Variants in HAVCR2 observed in about 807,000 individuals in gnomAD.
The protein encoded by HAVCR2 is T cell immunoglobulin mucin 3.
A neutral mutation model predicts 24.7 loss-of-function variants in HAVCR2; 13 were observed. The ratio of observed to expected loss-of-function variants is 0.53; its 90% CI spans 0.34 to 0.84. The LOEUF (loss-of-function observed/expected upper bound fraction) is 0.84, where lower values mean the gene tolerates loss of function less well. Among genes scored for constraint, HAVCR2 ranks in the 40% least tolerant of loss-of-function variants. HAVCR2 has a pLI of 0.01. For missense variants in HAVCR2, 343 were observed against 371.2 expected (o/e 0.92, Z 0.62); for synonymous variants, 154 against 143.4 (o/e 1.07, Z -0.53).
intron 4 of HAVCR2, among the ~76,000 whole-genome samples, chr5:157,096,927 A>AACACACAC (rs34799337): frequency 7.7e-5 from 11 of 142,952 alleles, no homozygotes; most frequent in South Asian, 2.3e-4. Flanking sequence ...ATTTATACAA[A>AACACACAC]ACACACACAC....
chr5:157,098,333 G>A (rs1757122906), intron 4 of HAVCR2, among the ~76,000 whole-genome samples: 1 of 151,998 alleles, frequency 6.6e-6, no homozygotes, highest in South Asian at 2.1e-4. Context: ...CTTGAACCCG[G>A]GAGGCGGAGG....
At chr5:157,089,012 A>G in intron 5 of HAVCR2, 35 bp from the exon 6 acceptor site, 2 of 1,570,762 alleles carry the variant, frequency 1.3e-6, no homozygotes, top group Non-Finnish European at 1.7e-6. Context: ...ATAAAAATGC[A>G]TTCATAAAAT....
intron 5 of HAVCR2, among the ~76,000 whole-genome samples, chr5:157,094,271 C>G (rs1006939254): frequency 1.3e-5 from 2 of 151,960 alleles, no homozygotes; most frequent in African/African-American, 2.4e-5. Context: ...TCTCAAACTC[C>G]TGGGCTCAAC....
intron 4 of HAVCR2, among the ~76,000 whole-genome samples, chr5:157,096,959 CACACAT>C (rs1284591728): frequency 0.011 from 1,549 of 145,074 alleles, 15 homozygotes; most frequent in African/African-American, 0.024. Context: ...CACACACACA[CACACAT>C]ATAATTATAA....
intron 5 of HAVCR2, among the ~76,000 whole-genome samples, chr5:157,094,638 C>T (rs888917641): frequency 2.0e-5 from 3 of 151,876 alleles, no homozygotes; most frequent in African/African-American, 2.4e-5. Context: ...CCCCCTCAGC[C>T]TCCCAAAGTG....
chr5:157,108,675 A>G (rs942837115), intron 1 of HAVCR2, among the ~76,000 whole-genome samples: 1 of 152,176 alleles, frequency 6.6e-6, no homozygotes, highest in Non-Finnish European at 1.5e-5. Context: ...TAATATATGC[A>G]TTATTCTGCA....
At chr5:157,091,038 C>T (rs1470629159) in intron 5 of HAVCR2, among the ~76,000 whole-genome samples, 2 of 152,092 alleles carry the variant, frequency 1.3e-5, no homozygotes, top group Non-Finnish European at 2.9e-5. Context: ...AAGGATCAGG[C>T]AGAAGAAGAT....
chr5:157,092,878 C>CAAAAAAAAAAAAAAAAAA lies in HAVCR2; in HGVS notation c.676+2410_676+2427dup, dbSNP rs556443053. On this transcript the variant is annotated intron_variant, in intron 5 of 6. Transcript: ENST00000307851. ...CAACATGGCAAAACCCTGTCTCTAC[C>CAAAAAAAAAAAAAAAAAA]AAAAAAAAAAAAAAAAAAAAAAAAA... is the stretch of plus-strand genomic sequence containing the variant. Among the ~76,000 whole-genome samples, 38 of 44,036 alleles carry CAAAAAAAAAAAAAAAAAA rather than the reference C, an allele frequency of 8.6e-4. 5 individuals carry two copies. The highest frequency in any genetic ancestry group is 1.1e-3 in the Non-Finnish European group (23 of 21,714). 28.9% of individuals were successfully genotyped at this position (44,036 alleles called of 152,430 possible).
rs371263443 is a variant in HAVCR2, at chr5:157,106,708, T to C, written c.313A>G (p.Ser105Gly). The C allele has an allele frequency of 1.5e-5, 24 of 1,614,100 alleles. No homozygotes were observed. The highest frequency in any genetic ancestry group is 1.2e-4 in the Admixed American group (7 of 60,012). ...TGGATCCGGCAGCAGTAGATCCCAC[T>C]GTCTGCTAGAGTCACATTCTCTATG... ...LTIENVTLAD[S>G]GIYCCRIQIP... The change falls in exon 2 of 7, where the codon AGT becomes GGT. Residue 105 changes from serine (S) to glycine (G), a missense_variant. Coordinates refer to ENST00000307851, the MANE Select transcript of HAVCR2 (RefSeq NM_032782.5).
At chr5:157,093,955 G>A (rs1010164491) in intron 5 of HAVCR2, among the ~76,000 whole-genome samples, 2 of 152,006 alleles carry the variant, frequency 1.3e-5, no homozygotes, top group Admixed American at 6.6e-5. Flanking sequence ...CGAGGTTTTG[G>A]GGGTACTGGA....
Position 157,086,299 on chromosome 5 carries a change from A to G in HAVCR2, c.*803T>C, listed in dbSNP as rs547449945. 1.3e-5 allele frequency: 2 copies of G among 152,356 alleles called. No individual in the cohort carries two copies. Among genetic ancestry groups the G allele is most frequent in the East Asian group, 1.9e-4 (1 of 5,186 alleles). 9.4% of individuals were successfully genotyped at this position (152,356 alleles called of 1,614,324 possible). ...TGCTCAAATAAGCCTAAATCTCAAC[A>G]TTCCAAGGGAATCTTCAAGATCAAG... On this transcript the variant is annotated 3_prime_UTR_variant, in exon 7 of 7. Coordinates refer to ENST00000307851, the MANE Select transcript of HAVCR2 (RefSeq NM_032782.5).
At chr5:157,091,274 C>T (rs557536854) in intron 5 of HAVCR2, among the ~76,000 whole-genome samples, 4 of 152,054 alleles carry the variant, frequency 2.6e-5, no homozygotes, top group Non-Finnish European at 5.9e-5. Context: ...GTGAAACCCC[C>T]GTCTCTACTA....
At chr5:157,088,821 G>A in intron 6 of HAVCR2, 120 bp downstream of exon 6, 1 of 828,914 alleles carries the variant, frequency 1.2e-6, no homozygotes. Context: ...GAGAAAGAAG[G>A]AAGTATAAAC....
Position 157,087,218 on chromosome 5 carries a change from T to G in HAVCR2, c.790A>C (p.Ile264Leu). The G allele has an allele frequency of 1.2e-6, 2 of 1,613,996 alleles. No homozygotes were observed. The highest frequency in any genetic ancestry group is 1.7e-6 in the Non-Finnish European group (2 of 1,180,008). Reference sequence around the variant, plus strand: ...TATACGTTCTCTTCAATGGTATAGATGTTTTCTTCTGAGCGAATTCCCTCT... The same window carrying G: ...TATACGTTCTCTTCAATGGTATAGAGGTTTTCTTCTGAGCGAATTCCCTCT... ...VAEGIRSEEN[I>L]YTIEENVYEV... is the part of the protein sequence containing the mutation. Residue 264 changes from isoleucine (I) to leucine (L), a missense_variant, in exon 7 of 7, where the codon ATC (isoleucine) becomes CTC (leucine). Coordinates refer to ENST00000307851, the MANE Select transcript of HAVCR2 (RefSeq NM_032782.5).
rs1159956790 is a variant in HAVCR2 at position 157,095,469 on chromosome 5, C to T, written c.523-10G>A. 1.2e-6 allele frequency: 2 copies of T among 1,613,620 alleles called. No homozygotes were observed. The highest frequency in any genetic ancestry group is 1.3e-5 in the African/African-American group (1 of 74,882). On this transcript the variant is annotated splice_polypyrimidine_tract_variant and intron_variant, in intron 4 of 6. Transcript: ENST00000307851. The stretch of plus-strand genomic sequence containing the variant: ...CCAATGTGGATATTTGCTATGGAAA[C>T]ACAAACAGGATTTAAGCAGAAAACA...
intron 1 of HAVCR2, 92 bp from the exon 2 acceptor site, chr5:157,107,054 G>C: frequency 1.9e-6 from 2 of 1,050,804 alleles, no homozygotes; most frequent in South Asian, 3.1e-5. Context: ...ACAGAATAAA[G>C]AGGAAGCTAC....
At chr5:157,101,611 A>T (rs1007036825) in intron 3 of HAVCR2, among the ~76,000 whole-genome samples, 4 of 152,198 alleles carry the variant, frequency 2.6e-5, no homozygotes, top group African/African-American at 9.6e-5. Flanking sequence ...AAGATCACAC[A>T]GCTATTAATT....
At chr5:157,091,945 T>G (rs1757009536) in intron 5 of HAVCR2, among the ~76,000 whole-genome samples, 1 of 152,066 alleles carries the variant, frequency 6.6e-6, no homozygotes, top group Non-Finnish European at 1.5e-5. Context: ...TCACCTTGAT[T>G]TTAATATTTT....
chr5:157,107,645 C>A (rs1206504804), intron 1 of HAVCR2, among the ~76,000 whole-genome samples: 1 of 152,070 alleles, frequency 6.6e-6, no homozygotes, highest in Middle Eastern at 3.2e-3. Flanking sequence ...CTTTTTGATT[C>A]CTGAATAAGA....
Sources: gnomAD v4.1 joint callset for allele counts (sites outside exome capture counted in the v4.1 genomes callset) on GRCh38, gnomAD v4.1.1 for gene constraint, MANE v1.5 for transcripts, NCBI Gene and HGNC (gene_info 2026-07-23, HGNC 2026-07-21) for gene names.